The following FYCO1 variants were observed in gnomAD, a reference collection of about 807,000 sequenced individuals.
The protein encoded by FYCO1 is FYVE and coiled-coil domain-containing protein 1.
A neutral mutation model predicts 165.1 loss-of-function variants in FYCO1; 122 were observed. The ratio of observed to expected loss-of-function variants is 0.74; its 90% CI spans 0.64 to 0.86. FYCO1 has a LOEUF of 0.86. Among genes scored for constraint, FYCO1 ranks in the 40% least tolerant of loss-of-function variants. The pLI is 0.00. For synonymous variants in FYCO1, 648 were observed against 742.5 expected, an observed-to-expected ratio of 0.87 and a Z score of 2.07; for missense variants, 1,702 against 1,810.3, an observed-to-expected ratio of 0.94 and a Z score of 1.09.
intron 12 of FYCO1, 177 bp from the exon 13 acceptor site, chr3:45,958,796 G>A: frequency 1.4e-6 from 1 of 703,802 alleles, no homozygotes; most frequent in African/African-American, 1.7e-5. Context: ...CTTCTTGTCA[G>A]CTTGGTGAAA....
At position 45,923,693 on chromosome 3, in the gene FYCO1, C is replaced by T. The variant is rs144587102; in HGVS notation, c.4324G>A (p.Gly1442Ser). The T allele has an allele frequency of 2.2e-5, 35 of 1,613,926 alleles. No homozygotes were observed. The highest frequency in any genetic ancestry group is 3.3e-5 in the South Asian group (3 of 91,082). ...TTGTCGAAGATGAGCATGTAGATGC[C>T]GGGTGTGCGAACCTTGAGCTGGCCC... ...IQGQLKVRTP[G>S]IYMLIFDNTF... is the part of the protein sequence containing the mutation. The change falls in exon 17 of 18, where the codon GGC becomes AGC. Residue 1442 changes from glycine to serine, a missense_variant. Transcript: ENST00000296137.
At chr3:45,946,824 A>T in intron 14 of FYCO1, 1 of 1,614,156 alleles carries the variant, frequency 6.2e-7, no homozygotes, top group Non-Finnish European at 8.5e-7. Flanking sequence ...TAACTTCTAC[A>T]CGTCCATGCT....
At position 45,965,036 on chromosome 3, in the gene FYCO1, C is replaced by T. The variant is rs377447918; in HGVS notation, c.3147G>A (p.Leu1049=). Residue 1049 remains leucine (L), a synonymous_variant, in exon 9 of 18, where the codon CTG becomes CTA. Coordinates refer to ENST00000296137, the MANE Select transcript of FYCO1 (RefSeq NM_024513.4). ...GGTCTACACTACCAGGGCCTACCTTCAGCTTCTCCACAGCTTCCTCAGCAG... is the reference window on the plus strand; with the variant it reads ...GGTCTACACTACCAGGGCCTACCTTTAGCTTCTCCACAGCTTCCTCAGCAG... ...LQAAEEAVEK[L]KATQADMGEK... is the part of the protein sequence containing the mutation. The T allele has an allele frequency of 2.5e-6, 4 of 1,614,062 alleles. No homozygotes were observed. Among genetic ancestry groups the T allele is most frequent in the Non-Finnish European group, 3.4e-6 (4 of 1,179,900 alleles).
At chr3:45,958,336 C>G (rs1705472467) in intron 13 of FYCO1, 72 bp downstream of exon 13, 3 of 1,371,888 alleles carry the variant, frequency 2.2e-6, no homozygotes, top group Admixed American at 1.8e-5. Context: ...TTAGCACTAA[C>G]TAGCCACAAC....
intron 16 of FYCO1, among the ~76,000 whole-genome samples, chr3:45,928,918 G>A (rs989959695): frequency 1.3e-5 from 2 of 152,218 alleles, no homozygotes; most frequent in Non-Finnish European, 2.9e-5. Context: ...ACAGAGTCCA[G>A]TATACAGGAC....
intron 14 of FYCO1, among the ~76,000 whole-genome samples, chr3:45,951,306 T>C (rs1052039335): frequency 2.0e-5 from 3 of 152,212 alleles, no homozygotes; most frequent in Non-Finnish European, 2.9e-5. Flanking sequence ...GGGTGAGTGC[T>C]GTTCCAGTCT....
intron 10 of FYCO1, among the ~76,000 whole-genome samples, chr3:45,963,719 C>T (rs1705831583): frequency 6.6e-6 from 1 of 152,210 alleles, no homozygotes; most frequent in South Asian, 2.1e-4. Flanking sequence ...AGCTGTGTCC[C>T]ATGACCACAT....
intron 3 of FYCO1, 107 bp downstream of exon 3, chr3:45,981,463 A>G: frequency 1.3e-6 from 1 of 753,796 alleles, no homozygotes; most frequent in East Asian, 2.7e-5. Flanking sequence ...ACGAGGGCTT[A>G]CTGGCTCCTT....
At chr3:45,925,517 T>C (rs1048170423) in intron 16 of FYCO1, among the ~76,000 whole-genome samples, 4 of 152,244 alleles carry the variant, frequency 2.6e-5, no homozygotes, top group African/African-American at 9.6e-5. Context: ...TTTTAACTTG[T>C]ACAAAATGAC....
intron 11 of FYCO1, 97 bp from the exon 12 acceptor site, chr3:45,959,639 A>G: frequency 7.7e-7 from 1 of 1,296,736 alleles, no homozygotes; most frequent in Non-Finnish European, 1.1e-6. Flanking sequence ...AAATTTCCTA[A>G]GTCATAGAAA....
In FYCO1 at chr3:45,993,947, CGT is replaced by C. The variant is rs1185918921; in HGVS notation, c.-113+1773_-113+1774del. Among the ~76,000 whole-genome samples, 3 of 152,224 alleles carry C rather than the reference CGT, an allele frequency of 2.0e-5. No individual in the cohort carries two copies. Among genetic ancestry groups the C allele is most frequent in the Admixed American group, 2.0e-4 (3 of 15,278 alleles). Reference sequence around the variant, plus strand: ...GGGGTGAGGGGGCTGCCATTTCTTGCGTACCTACTTTGTATTCTTGAGTCAGC... The same window carrying C: ...GGGGTGAGGGGGCTGCCATTTCTTGCACCTACTTTGTATTCTTGAGTCAGC... On this transcript the variant is annotated intron_variant, in intron 1 of 17. Coordinates refer to ENST00000296137, the MANE Select transcript of FYCO1 (RefSeq NM_024513.4). This position sits in a 1 kb window ranked among gnomAD's most constrained non-coding sequence, Gnocchi z 4.4.
chr3:45,946,988 T>C (rs779105234), intron 14 of FYCO1: 54 of 1,614,118 alleles, frequency 3.3e-5, no homozygotes, highest in Non-Finnish European at 4.6e-5. Flanking sequence ...AAATTATCTA[T>C]GGCAATGTCT....
At chr3:45,942,009 C>A (rs1329992975) in intron 14 of FYCO1, among the ~76,000 whole-genome samples, 1 of 152,256 alleles carries the variant, frequency 6.6e-6, no homozygotes, top group Non-Finnish European at 1.5e-5. Flanking sequence ...CTACATCCAT[C>A]TGTCCATCGG....
intron 14 of FYCO1, chr3:45,938,402 C>T: frequency 2.6e-6 from 1 of 381,614 alleles, no homozygotes; most frequent in Admixed American, 3.3e-5. Flanking sequence ...AGGTTATGAC[C>T]AACATTAAAA....
intron 1 of FYCO1, among the ~76,000 whole-genome samples, chr3:45,988,140 G>A (rs1707393009): frequency 6.6e-6 from 1 of 152,218 alleles, no homozygotes; most frequent in Non-Finnish European, 1.5e-5. Flanking sequence ...TGCCAGGCCT[G>A]TGGGGTGTGG....
At chr3:45,991,079 T>C (rs757690006) in intron 1 of FYCO1, among the ~76,000 whole-genome samples, 4 of 152,222 alleles carry the variant, frequency 2.6e-5, no homozygotes, top group Admixed American at 6.5e-5. Flanking sequence ...CGCCCGGCCA[T>C]CATGAGCACA....
In FYCO1 at chr3:45,964,551, T is replaced by C. The variant is rs1705885051; in HGVS notation, c.3151-97A>G. 1.3e-6 allele frequency: 2 copies of C among 1,575,698 alleles called. No individual in the cohort carries two copies. Among genetic ancestry groups the C allele is most frequent in the East Asian group, 4.6e-5 (2 of 43,066 alleles). The stretch of plus-strand genomic sequence containing the variant: ...GTGCCATCCACCCCATCTGGCTGGG[T>C]CACTTCTAAATGGAGGGTTGTTTCC... On this transcript the variant is annotated intron_variant, in intron 9 of 17. Coordinates refer to ENST00000296137, the MANE Select transcript of FYCO1 (RefSeq NM_024513.4). The surrounding 1 kb of genome is among the most constrained non-coding windows in gnomAD (Gnocchi z 4.1).
At chr3:45,990,261 G>A (rs1003643062) in intron 1 of FYCO1, among the ~76,000 whole-genome samples, 1 of 152,174 alleles carries the variant, frequency 6.6e-6, no homozygotes, top group East Asian at 1.9e-4. Context: ...TTGGCAGCAC[G>A]ATTAAGAGGC....
intron 8 of FYCO1, 73 bp from the exon 9 acceptor site, chr3:45,965,198 C>T: frequency 8.4e-7 from 1 of 1,185,884 alleles, no homozygotes; most frequent in Non-Finnish European, 1.2e-6. Context: ...CCCCCTCACC[C>T]AAACAGATAA....
Sources: allele counts gnomAD v4.1 joint callset (sites outside exome capture counted in the v4.1 genomes callset), GRCh38; gene constraint gnomAD v4.1.1; non-coding constraint Gnocchi (gnomAD v3.1); transcripts MANE v1.5; gene names NCBI Gene and HGNC (gene_info 2026-07-23, HGNC 2026-07-21).